The following SLC25A14 variants were observed in gnomAD, a reference collection of about 807,000 sequenced individuals.
The protein encoded by SLC25A14 is solute carrier family 25 member 14.
A neutral mutation model predicts 28.1 loss-of-function variants in SLC25A14; 8 were observed. The observed-to-expected ratio is 0.28, with a 90% CI of 0.17 to 0.51. The LOEUF is 0.51. Among genes scored for constraint, SLC25A14 ranks in the 20% least tolerant of loss-of-function variants. The pLI is 0.97. For synonymous variants in SLC25A14, 74 were observed against 90.6 expected, an observed-to-expected ratio of 0.82 and a Z score of 1.04; for missense variants, 135 against 263.8, an observed-to-expected ratio of 0.51 and a Z score of 3.38.
At position 130,340,133 on chromosome X, in the gene SLC25A14, TTC is replaced by T. The variant is rs1208516819; in HGVS notation, c.-144_-143del. On this transcript the variant is annotated 5_prime_UTR_variant, in exon 2 of 11. Transcript: ENST00000545805. Reference sequence around the variant, plus strand: ...TGAGTCCCTTCCCTGTCTTTCACTCTTCTGGCATCGGTGGTTTTACTTCTTCG... The same window carrying T: ...TGAGTCCCTTCCCTGTCTTTCACTCTTGGCATCGGTGGTTTTACTTCTTCG... 24 of 1,119,241 alleles carry T rather than the reference TTC, an allele frequency of 2.1e-5. No individual in the cohort carries two copies. Among genetic ancestry groups the T allele is most frequent in the Non-Finnish European group, 2.1e-5 (18 of 855,020 alleles). The allele number at this position is 1,119,241 out of a possible 1,213,427, so 92.2% of individuals were successfully genotyped here.
intron 7 of SLC25A14, among the ~76,000 whole-genome samples, chrX:130,359,392 CT>C (rs1690561162): frequency 9.6e-6 from 1 of 104,613 alleles, no homozygotes; most frequent in Non-Finnish European, 2.0e-5. Context: ...GAAAAAAAAG[CT>C]GTTACCTTAA....
intron 2 of SLC25A14, among the ~76,000 whole-genome samples, chrX:130,340,628 C>G (rs1271350317): frequency 9.0e-6 from 1 of 110,906 alleles, no homozygotes; most frequent in Non-Finnish European, 1.9e-5. Flanking sequence ...TGAACTCTTC[C>G]CTCGTCTTCA....
chrX:130,356,388 C>A (rs1281803986), intron 6 of SLC25A14, among the ~76,000 whole-genome samples: 4 of 109,087 alleles, frequency 3.7e-5, no homozygotes, highest in African/African-American at 1.3e-4. Flanking sequence ...ACCACCACGC[C>A]TGGCTAATTT....
At chrX:130,345,050 G>T in intron 2 of SLC25A14, 132 bp from the exon 3 acceptor site, 1 of 471,893 alleles carries the variant, frequency 2.1e-6, no homozygotes, top group Admixed American at 3.6e-5. Flanking sequence ...CCATTTTTGT[G>T]TCATTCCACT....
intron 6 of SLC25A14, among the ~76,000 whole-genome samples, chrX:130,356,481 G>A (rs1468865049): frequency 9.0e-6 from 1 of 110,556 alleles, no homozygotes; most frequent in South Asian, 3.9e-4. Context: ...CGCCCACCTC[G>A]GCCTCCCAAA....
chrX:130,346,091 T>C (rs1029543598), intron 3 of SLC25A14, among the ~76,000 whole-genome samples: 2 of 111,037 alleles, frequency 1.8e-5, no homozygotes, highest in Admixed American at 1.9e-4. Flanking sequence ...CCACAAAACT[T>C]TGTAACACTA....
At chrX:130,345,668 A>C (rs904279181) in intron 3 of SLC25A14, among the ~76,000 whole-genome samples, 2 of 111,896 alleles carry the variant, frequency 1.8e-5, no homozygotes, top group African/African-American at 6.5e-5. Flanking sequence ...TTAGAAGAAA[A>C]TGTACTAACA....
intron 2 of SLC25A14, 126 bp from the exon 3 acceptor site, chrX:130,345,056 C>T: frequency 2.1e-6 from 1 of 483,843 alleles, no homozygotes; most frequent in Admixed American, 3.5e-5. Context: ...TTGTGTCATT[C>T]CACTTGGTGG....
chrX:130,353,735 T>A lies in SLC25A14; in HGVS notation c.498+3004T>A, dbSNP rs7055368. ...TGCTATCTCTTTTCTTACCTTCTCA[T>A]CCAGATTTTACAAGAGTAATCTTTA... is the stretch of plus-strand genomic sequence containing the variant. On this transcript the variant is annotated intron_variant, in intron 6 of 10. Coordinates refer to ENST00000545805, the MANE Select transcript of SLC25A14 (RefSeq NM_001282195.2). 5.0e-3 allele frequency among the ~76,000 whole-genome samples: 565 copies of A among 112,040 alleles called. 2 individuals are homozygous for A. Among genetic ancestry groups the A allele is most frequent in the African/African-American group, 0.017 (521 of 30,841 alleles).
intron 6 of SLC25A14, among the ~76,000 whole-genome samples, chrX:130,354,271 A>G (rs1252811359): frequency 2.7e-4 from 29 of 108,899 alleles, no homozygotes; most frequent in South Asian, 1.2e-3. Context: ...CCGCCACCAC[A>G]CCTGGCTAAT....
rs1249048543 is a variant in SLC25A14, at chrX:130,339,924, C to G, written c.-225C>G. The G allele has an allele frequency of 4.9e-6, 4 of 818,472 alleles. No individual in the cohort carries two copies. In the African/African-American group the frequency reaches 6.6e-5, roughly 13 times the overall value. 67.5% of individuals were successfully genotyped at this position (818,472 alleles called of 1,213,427 possible). Reference sequence around the variant, plus strand: ...TGCTTCCGGGTTGGCGCTGCAGTGGCGTTTCCGACTGTGGGAGCCTCAGCT... The same window carrying G: ...TGCTTCCGGGTTGGCGCTGCAGTGGGGTTTCCGACTGTGGGAGCCTCAGCT... On this transcript the variant is annotated 5_prime_UTR_variant, in exon 1 of 11. Transcript: ENST00000545805.
At chrX:130,366,896 A>G (rs762699770) in intron 9 of SLC25A14, among the ~76,000 whole-genome samples, 1 of 111,736 alleles carries the variant, frequency 8.9e-6, no homozygotes, top group South Asian at 3.8e-4. Flanking sequence ...CCAGGTGTCA[A>G]TATTTTAAAC....
intron 7 of SLC25A14, 36 bp downstream of exon 7, chrX:130,358,771 C>T (rs764737822): frequency 1.1e-6 from 1 of 948,426 alleles, no homozygotes; most frequent in Non-Finnish European, 1.5e-6. Context: ...CCTACACTCT[C>T]AGTTCCTACA....
intron 4 of SLC25A14, 33 bp from the exon 5 acceptor site, chrX:130,349,218 T>C (rs978377160): frequency 1.0e-6 from 1 of 1,000,709 alleles, no homozygotes; most frequent in Middle Eastern, 2.7e-4. Flanking sequence ...TCTGAAAATG[T>C]TGAGAATAAC....
At chrX:130,365,378 C>G in intron 8 of SLC25A14, 163 bp from the exon 9 acceptor site, 1 of 1,035,116 alleles carries the variant, frequency 9.7e-7, no homozygotes, top group Non-Finnish European at 1.2e-6. Flanking sequence ...AATGATGTCT[C>G]TTTAGAAAAA....
Position 130,347,685 on chromosome X carries a change from T to TA in SLC25A14, c.317+1001dup, listed in dbSNP as rs1032970103. On this transcript the variant is annotated intron_variant, in intron 4 of 10. Transcript: ENST00000545805. The stretch of plus-strand genomic sequence containing the variant: ...GTTAGGAAGTAGAGGTTGATTTTTT[T>TA]AAAAAAATCTTTATTAGGTGAGCAA... 1.3e-4 allele frequency among the ~76,000 whole-genome samples: 15 copies of TA among 111,566 alleles called. No individual in the cohort carries two copies. The South Asian group carries it at 3.4e-3, about 25-fold the overall frequency.
At chrX:130,370,858 C>T (rs2034246554) in intron 9 of SLC25A14, among the ~76,000 whole-genome samples, 1 of 112,373 alleles carries the variant, frequency 8.9e-6, no homozygotes, top group East Asian at 2.8e-4. Flanking sequence ...TACTCCAAAA[C>T]TCATTGCCTT....
intron 7 of SLC25A14, among the ~76,000 whole-genome samples, chrX:130,360,056 TCTTC>T (rs2033920874): frequency 9.1e-6 from 1 of 110,190 alleles, no homozygotes; most frequent in African/African-American, 3.3e-5. Context: ...TAATTTATTT[TCTTC>T]CTTCCTCCTT....
intron 1 of SLC25A14, 28 bp from the exon 2 acceptor site, chrX:130,340,079 C>T (rs2033196239): frequency 1.9e-6 from 2 of 1,047,459 alleles, no homozygotes; most frequent in Non-Finnish European, 2.4e-6. Context: ...AGGGGCTTAA[C>T]GGTCCTCTGG....
Sources: allele counts gnomAD v4.1 joint callset (sites outside exome capture counted in the v4.1 genomes callset), GRCh38; gene constraint gnomAD v4.1.1; transcripts MANE v1.5; gene names NCBI Gene and HGNC (gene_info 2026-07-23, HGNC 2026-07-21).